Variants in GRID2 observed in about 807,000 individuals in gnomAD.
GRID2 encodes the protein glutamate receptor ionotropic, delta-2.
A neutral mutation model predicts 114.8 loss-of-function variants in GRID2; 33 were observed. The ratio of observed to expected loss-of-function variants is 0.29; its 90% CI spans 0.22 to 0.38. The LOEUF (loss-of-function observed/expected upper bound fraction) is 0.38. Ranked by LOEUF, GRID2 falls within the 10% of genes least tolerant of loss-of-function variation. The pLI is 1.00. For synonymous variants in GRID2, 505 were observed against 449.9 expected (o/e 1.12, Z -1.55); for missense variants, 1,184 against 1,257.7 (o/e 0.94, Z 0.89).
At chr4:92,516,368 C>G (rs1394526785) in intron 1 of GRID2, among the ~76,000 whole-genome samples, 1 of 151,854 alleles carries the variant, frequency 6.6e-6, no homozygotes, top group Non-Finnish European at 1.5e-5. Context: ...CCAACAACTT[C>G]TTTACTATAA....
At chr4:93,627,112 AT>A (rs1368491021) in intron 14 of GRID2, among the ~76,000 whole-genome samples, 1 of 152,212 alleles carries the variant, frequency 6.6e-6, no homozygotes, top group Non-Finnish European at 1.5e-5. Context: ...GTGCACAAAG[AT>A]TACTGCATTT....
intron 2 of GRID2, among the ~76,000 whole-genome samples, chr4:93,051,390 T>C (rs1427983992): frequency 6.6e-6 from 1 of 152,044 alleles, no homozygotes; most frequent in African/African-American, 2.4e-5. Context: ...TCTTTCCCTC[T>C]GTCCCCCTTT....
chr4:93,253,639 T>TA (rs1167530502), intron 8 of GRID2, among the ~76,000 whole-genome samples: 3 of 152,038 alleles, frequency 2.0e-5, no homozygotes, highest in Admixed American at 2.0e-4. Flanking sequence ...TAATACAGAC[T>TA]AAAAAACAAA....
At chr4:92,929,284 G>A (rs754553168) in intron 2 of GRID2, among the ~76,000 whole-genome samples, 32 of 151,262 alleles carry the variant, frequency 2.1e-4, no homozygotes, top group Non-Finnish European at 1.5e-4. Context: ...TGATTTGAAT[G>A]AAGGTAAACA....
intron 1 of GRID2, among the ~76,000 whole-genome samples, chr4:92,549,121 G>T (rs752265493): frequency 1.6e-5 from 1 of 63,242 alleles, no homozygotes; most frequent in Admixed American, 1.6e-4. Context: ...TAGGTCTTCC[G>T]CAAAAAAAAA....
At chr4:93,547,737 A>C (rs982756268) in intron 13 of GRID2, among the ~76,000 whole-genome samples, 5 of 152,106 alleles carry the variant, frequency 3.3e-5, no homozygotes, top group Non-Finnish European at 7.4e-5. Context: ...ATTCAAACCC[A>C]TGCAGTTTGA....
chr4:92,344,612 A>G (rs1727675643), intron 1 of GRID2, among the ~76,000 whole-genome samples: 1 of 152,156 alleles, frequency 6.6e-6, no homozygotes, highest in Non-Finnish European at 1.5e-5. Context: ...CTCAAAGGCT[A>G]CAGGCTAGAA....
At chr4:93,736,087 A>C (rs1205964905) in intron 14 of GRID2, among the ~76,000 whole-genome samples, 1 of 152,034 alleles carries the variant, frequency 6.6e-6, no homozygotes, top group Non-Finnish European at 1.5e-5. Flanking sequence ...AAAAGGTGAA[A>C]GGCATTGTCT....
chr4:92,733,958 C>T (rs1736459522), intron 2 of GRID2, among the ~76,000 whole-genome samples: 1 of 152,044 alleles, frequency 6.6e-6, no homozygotes, highest in Non-Finnish European at 1.5e-5. Context: ...AACTCTTCCT[C>T]ACTTCCAATT....
At chr4:93,042,059 T>G (rs1055909133) in intron 2 of GRID2, among the ~76,000 whole-genome samples, 1 of 151,774 alleles carries the variant, frequency 6.6e-6, no homozygotes, top group African/African-American at 2.4e-5. Flanking sequence ...CCCGCCACCA[T>G]GCCTGGCTAA....
In GRID2 at chr4:92,877,723, T is replaced by G. The variant is rs534375030; in HGVS notation, c.245-207272T>G. On this transcript the variant is annotated intron_variant, in intron 2 of 15. Transcript: ENST00000282020. Reference sequence around the variant, plus strand: ...TCCTGTCACTCTGAAAACCATATAGTCCTGCAAAGTGGTTTGTAAGTCCAT... The same window carrying G: ...TCCTGTCACTCTGAAAACCATATAGGCCTGCAAAGTGGTTTGTAAGTCCAT... 3.9e-5 allele frequency among the ~76,000 whole-genome samples: 6 copies of G among 152,254 alleles called. No homozygotes were observed. In the South Asian group the frequency reaches 1.2e-3, roughly 32 times the overall value.
chr4:92,442,033 TAGAAG>T (rs1317208990), intron 1 of GRID2, among the ~76,000 whole-genome samples: 1 of 151,578 alleles, frequency 6.6e-6, no homozygotes, highest in Non-Finnish European at 1.5e-5. Context: ...GTAAGAGGTT[TAGAAG>T]CCTGGCCGTC....
In GRID2 at chr4:92,403,633, A is replaced by G. The variant is rs1239456897; in HGVS notation, c.88+98889A>G. 5.3e-5 allele frequency among the ~76,000 whole-genome samples: 8 copies of G among 151,968 alleles called. No homozygotes were observed. The East Asian group carries it at 1.6e-3, about 29-fold the overall frequency. The stretch of plus-strand genomic sequence containing the variant: ...CTTGAACCCGGGAGGCAGAGGTTGC[A>G]GTGAGCAGAGATTGCGCCACTGTAC... On this transcript the variant is annotated intron_variant, in intron 1 of 15. Transcript: ENST00000282020.
chr4:93,053,068 T>C (rs1185449823), intron 2 of GRID2, among the ~76,000 whole-genome samples: 1 of 151,876 alleles, frequency 6.6e-6, no homozygotes, highest in African/African-American at 2.4e-5. Context: ...ACCAAATTTT[T>C]ATAGGTAGTG....
chr4:93,705,162 G>C (rs566569592), intron 14 of GRID2, among the ~76,000 whole-genome samples: 2 of 152,008 alleles, frequency 1.3e-5, no homozygotes, highest in Non-Finnish European at 2.9e-5. Flanking sequence ...GGGGTGCAAC[G>C]GTATCTCATT....
At chr4:92,814,223 G>C (rs1259156174) in intron 2 of GRID2, among the ~76,000 whole-genome samples, 1 of 152,094 alleles carries the variant, frequency 6.6e-6, no homozygotes, top group Non-Finnish European at 1.5e-5. Context: ...GTATGTGGTA[G>C]TCAGAGGCCT....
At chr4:93,648,194 A>T (rs1722281406) in intron 14 of GRID2, among the ~76,000 whole-genome samples, 1 of 152,168 alleles carries the variant, frequency 6.6e-6, no homozygotes, top group Non-Finnish European at 1.5e-5. Context: ...AGAGTATGAT[A>T]TTGGTTTAGC....
intron 2 of GRID2, among the ~76,000 whole-genome samples, chr4:92,745,131 T>G (rs894643865): frequency 6.6e-6 from 1 of 152,174 alleles, no homozygotes; most frequent in Non-Finnish European, 1.5e-5. Flanking sequence ...AGTGGAAACT[T>G]GTAGTGTCCA....
chr4:93,362,809 G>A (rs1038872088), intron 8 of GRID2, among the ~76,000 whole-genome samples: 5 of 152,110 alleles, frequency 3.3e-5, no homozygotes, highest in African/African-American at 1.2e-4. Flanking sequence ...TTGTGCCTGT[G>A]AATCCCAGTA....
Sources: allele counts gnomAD v4.1 joint callset (sites outside exome capture counted in the v4.1 genomes callset), GRCh38; gene constraint gnomAD v4.1.1; transcripts MANE v1.5; gene names NCBI Gene and HGNC (gene_info 2026-07-23, HGNC 2026-07-21).